Variants in FAM135B observed in about 807,000 individuals in gnomAD.
The protein encoded by FAM135B is protein FAM135B.
In FAM135B, 43 loss-of-function variants were observed where a neutral mutation model predicts 127.7. That is an observed-to-expected ratio of 0.34 (90% confidence interval 0.26 to 0.43). The LOEUF is 0.43. Among genes scored for constraint, FAM135B ranks in the 20% least tolerant of loss-of-function variants. FAM135B has a pLI of 1.00. For missense variants in FAM135B, 1,558 were observed against 1,725.6 expected (o/e 0.90, Z 1.72); for synonymous variants, 670 against 665.1 (o/e 1.01, Z -0.11).
At chr8:138,240,112 C>T (rs1364289170) in intron 7 of FAM135B, among the ~76,000 whole-genome samples, 2 of 152,100 alleles carry the variant, frequency 1.3e-5, no homozygotes, top group Admixed American at 6.5e-5. Context: ...CAAACCTGCA[C>T]ATTGTGCACA....
chr8:138,428,884 C>A (rs1413257560), intron 1 of FAM135B, among the ~76,000 whole-genome samples: 1 of 152,164 alleles, frequency 6.6e-6, no homozygotes, highest in Non-Finnish European at 1.5e-5. Flanking sequence ...GGAGTCTTAT[C>A]AGATCATTTA....
chr8:138,336,056 C>A (rs201538976), intron 2 of FAM135B, among the ~76,000 whole-genome samples: 5 of 152,014 alleles, frequency 3.3e-5, no homozygotes, highest in East Asian at 1.9e-4. Flanking sequence ...CTTTGAAACC[C>A]ACGAGAACAA....
At chr8:138,484,736 G>T (rs1240868501) in intron 1 of FAM135B, among the ~76,000 whole-genome samples, 1 of 151,738 alleles carries the variant, frequency 6.6e-6, no homozygotes, top group African/African-American at 2.4e-5. Context: ...AAGAAGAGGG[G>T]AAAGGAAGAA....
intron 1 of FAM135B, among the ~76,000 whole-genome samples, chr8:138,491,716 A>C (rs1302426153): frequency 1.3e-5 from 2 of 152,240 alleles, no homozygotes; most frequent in Non-Finnish European, 2.9e-5. Context: ...TATATTGATA[A>C]GTACTATAAA....
At chr8:138,463,165 T>C (rs1387112730) in intron 1 of FAM135B, among the ~76,000 whole-genome samples, 3 of 152,184 alleles carry the variant, frequency 2.0e-5, no homozygotes, top group Non-Finnish European at 2.9e-5. Context: ...AGTCCTTGCT[T>C]CATCGGGTTC....
Position 138,301,545 on chromosome 8 carries a change from C to T in FAM135B, c.157+9296G>A, listed in dbSNP as rs925498. ...TTCCACTTCCTTTTGTTCTTTGCTC[C>T]GAGCTCTGTCTTCAGATGTGGCTTT... On this transcript the variant is annotated intron_variant, in intron 3 of 19. Coordinates refer to ENST00000395297, the MANE Select transcript of FAM135B (RefSeq NM_015912.4). 3.9e-3 allele frequency among the ~76,000 whole-genome samples: 591 copies of T among 152,136 alleles called. 5 individuals carry two copies. The highest frequency in any genetic ancestry group is 0.014 in the African/African-American group (563 of 41,508).
At chr8:138,247,449 CTT>C (rs917319934) in intron 6 of FAM135B, among the ~76,000 whole-genome samples, 1 of 152,178 alleles carries the variant, frequency 6.6e-6, no homozygotes, top group African/African-American at 2.4e-5. Flanking sequence ...GCCTTTTATC[CTT>C]TTGCTCAGCA....
chr8:138,202,450 G>T (rs1016056396), intron 7 of FAM135B, among the ~76,000 whole-genome samples: 4 of 152,064 alleles, frequency 2.6e-5, no homozygotes, highest in Non-Finnish European at 5.9e-5. Context: ...GAGGTTTCAC[G>T]ATGTTGCCCA....
chr8:138,269,160 C>T (rs537272085), intron 3 of FAM135B, among the ~76,000 whole-genome samples: 1 of 152,282 alleles, frequency 6.6e-6, no homozygotes, highest in South Asian at 2.1e-4. Context: ...TTCTTCTCCC[C>T]CCACAAAATG....
chr8:138,170,293 G>A (rs1820316577), intron 11 of FAM135B, among the ~76,000 whole-genome samples: 1 of 148,660 alleles, frequency 6.7e-6, no homozygotes, highest in Admixed American at 6.8e-5. Context: ...CACAATCTCG[G>A]CTCACCGCAA....
chr8:138,398,351 GT>G (rs1448417018), intron 1 of FAM135B, among the ~76,000 whole-genome samples: 1 of 152,184 alleles, frequency 6.6e-6, no homozygotes, highest in African/African-American at 2.4e-5. Flanking sequence ...CCAAAAGGAA[GT>G]TGCTAAAAAT....
At chr8:138,387,706 G>A (rs118173094) in intron 1 of FAM135B, among the ~76,000 whole-genome samples, 363 of 152,166 alleles carry the variant, frequency 2.4e-3, no homozygotes, top group Admixed American at 4.3e-3. Flanking sequence ...CCACAGAGGG[G>A]ATTACTAAGG....
intron 4 of FAM135B, among the ~76,000 whole-genome samples, chr8:138,257,007 A>G (rs1436830412): frequency 6.6e-6 from 1 of 152,222 alleles, no homozygotes; most frequent in East Asian, 1.9e-4. Flanking sequence ...GTTTGCAAAA[A>G]AAATGCTAAA....
At chr8:138,414,833 A>C (rs1477311747) in intron 1 of FAM135B, among the ~76,000 whole-genome samples, 1 of 152,048 alleles carries the variant, frequency 6.6e-6, no homozygotes, top group Admixed American at 6.6e-5. Context: ...AATTCTAAAG[A>C]AAAAAACATG....
At chr8:138,203,811 A>G (rs1205189828) in intron 7 of FAM135B, among the ~76,000 whole-genome samples, 1 of 152,170 alleles carries the variant, frequency 6.6e-6, no homozygotes, top group Non-Finnish European at 1.5e-5. Flanking sequence ...CATAATGTAG[A>G]GTCAGTGATA....
chr8:138,441,881 G>T (rs1410722102), intron 1 of FAM135B: 1 of 151,976 alleles, frequency 6.6e-6, no homozygotes, highest in East Asian at 1.9e-4. Context: ...TATGCTGTGT[G>T]AGGAGACAGC....
At chr8:138,327,288 A>T (rs1021138854) in intron 2 of FAM135B, among the ~76,000 whole-genome samples, 2 of 152,186 alleles carry the variant, frequency 1.3e-5, no homozygotes, top group African/African-American at 4.8e-5. Context: ...TTCTATCTGG[A>T]CAATATTCAA....
chr8:138,309,237 A>C (rs1242122187), intron 3 of FAM135B, among the ~76,000 whole-genome samples: 1 of 151,960 alleles, frequency 6.6e-6, no homozygotes, highest in Non-Finnish European at 1.5e-5. Flanking sequence ...CTTCTGTTGG[A>C]AGGTAGGGTG....
chr8:138,432,426 A>T (rs1325248543), intron 1 of FAM135B, among the ~76,000 whole-genome samples: 1 of 152,052 alleles, frequency 6.6e-6, no homozygotes, highest in Admixed American at 6.5e-5. Context: ...CTGTCTGCTG[A>T]AACTGCACCT....
Sources: gnomAD v4.1 joint callset for allele counts (sites outside exome capture counted in the v4.1 genomes callset) on GRCh38, gnomAD v4.1.1 for gene constraint, MANE v1.5 for transcripts, NCBI Gene and HGNC (gene_info 2026-07-23, HGNC 2026-07-21) for gene names.